The following DDRGK1 variants were observed in gnomAD, a reference collection of about 807,000 sequenced individuals.
DDRGK1 encodes the protein DDRGK domain containing 1.
Under a neutral mutation model 45.8 loss-of-function variants are expected in DDRGK1, and 38 were observed. That is an observed-to-expected ratio of 0.83 (90% confidence interval 0.64 to 1.09). The LOEUF is 1.09. Among genes scored for constraint, DDRGK1 ranks in the 50% least tolerant of loss-of-function variants. The pLI, the probability that DDRGK1 is intolerant of heterozygous loss-of-function variation, is 0.00. For synonymous variants in DDRGK1, 171 were observed against 168.7 expected (o/e 1.01, Z -0.11); for missense variants, 403 against 419.9 (o/e 0.96, Z 0.35).
rs761184532 is a variant in DDRGK1, at chr20:3,199,991, C to G, written c.510+10G>C. On this transcript the variant is annotated intron_variant, in intron 4 of 8. Coordinates refer to ENST00000354488, the MANE Select transcript of DDRGK1 (RefSeq NM_023935.3). ...CAAGGGTCAGAGGTCAGGGTAGGGG[C>G]TGGCCTCACCTTCTGCTCCTCCTCC... 1 of 1,604,092 alleles carries G rather than the reference C, an allele frequency of 6.2e-7. No individual in the cohort carries two copies. The highest frequency in any genetic ancestry group is 1.7e-5 in the Admixed American group (1 of 59,262).
At chr20:3,196,478 C>G (rs533795840) in intron 4 of DDRGK1, among the ~76,000 whole-genome samples, 2 of 150,840 alleles carry the variant, frequency 1.3e-5, no homozygotes, top group African/African-American at 4.9e-5. Flanking sequence ...GAGATCGAGA[C>G]CATCCTGGCT....
In DDRGK1 at chr20:3,200,384, C is replaced by A; in HGVS notation, c.366G>T (p.Leu122=). ...GCGCTTGTTTCTCCTCCAGCTTCCG[C>A]AGTTTCTTAGCTCCAATTTTCCCCG... The part of the protein sequence containing the change: ...HLSGKIGAKK[L]RKLEEKQARK... The change falls in exon 3 of 9, where the codon CTG becomes CTT. Residue 122 remains leucine, a synonymous_variant. Transcript: ENST00000354488. The A allele has an allele frequency of 1.3e-6, 2 of 1,580,554 alleles. No individual in the cohort carries two copies. Among genetic ancestry groups the A allele is most frequent in the African/African-American group, 1.3e-5 (1 of 74,364 alleles).
chr20:3,197,383 CG>C (rs2067015767), intron 4 of DDRGK1, among the ~76,000 whole-genome samples: 1 of 151,876 alleles, frequency 6.6e-6, no homozygotes, highest in Non-Finnish European at 1.5e-5. Flanking sequence ...CAAAGAAATA[CG>C]GGAAGAGGGG....
chr20:3,197,562 A>T (rs2067016909), intron 4 of DDRGK1, among the ~76,000 whole-genome samples: 11 of 152,196 alleles, frequency 7.2e-5, no homozygotes, highest in Admixed American at 7.2e-4. Context: ...CCATAACCCC[A>T]GTCTAACCAT....
At chr20:3,191,571 T>A (rs2122227795) in intron 7 of DDRGK1, 194 bp downstream of exon 7, 2 of 802,204 alleles carry the variant, frequency 2.5e-6, no homozygotes, top group East Asian at 2.7e-5. Flanking sequence ...TTTGGGTTTT[T>A]TTTTTCTTTC....
At chr20:3,204,398 C>G (rs1413554539) in intron 1 of DDRGK1, 139 bp downstream of exon 1, 2 of 836,850 alleles carry the variant, frequency 2.4e-6, no homozygotes, top group Non-Finnish European at 3.7e-6. Context: ...CCCCACCCGG[C>G]ACACGACTAG....
chr20:3,200,291 G>T (rs1240702018), intron 3 of DDRGK1, 51 bp downstream of exon 3: 1 of 1,532,208 alleles, frequency 6.5e-7, no homozygotes, highest in Admixed American at 2.0e-5. Flanking sequence ...GAAAAAGGAA[G>T]GCAGTGCCCT....
rs921637351 is a variant in DDRGK1 at position 3,200,289 on chromosome 20, A to C, written c.408+53T>G. On this transcript the variant is annotated intron_variant, in intron 3 of 8. Transcript: ENST00000354488. ...CCTCAGTCTGCCTTAGGGAAAAAGG[A>C]AGGCAGTGCCCTTTCGCACTTCCCA... 1.2e-4 allele frequency: 189 copies of C among 1,529,674 alleles called. 2 individuals are homozygous for C. The highest frequency in any genetic ancestry group is 1.5e-4 in the Non-Finnish European group (171 of 1,129,874). 94.8% of individuals were successfully genotyped at this position (1,529,674 alleles called of 1,614,324 possible).
chr20:3,190,889 C>G (rs1417149911), intron 8 of DDRGK1, 70 bp from the exon 9 acceptor site: 26 of 1,526,258 alleles, frequency 1.7e-5, no homozygotes, highest in Non-Finnish European at 1.9e-5. Context: ...GAATGCCCAC[C>G]TACTCCTTCA....
At chr20:3,201,854 G>C (rs549932191) in intron 2 of DDRGK1, among the ~76,000 whole-genome samples, 1 of 151,706 alleles carries the variant, frequency 6.6e-6, no homozygotes, top group Non-Finnish European at 1.5e-5. Context: ...AGTAGAGACC[G>C]GGTTTCACCA....
chr20:3,195,442 A>G, intron 4 of DDRGK1, 89 bp from the exon 5 acceptor site: 1 of 1,492,122 alleles, frequency 6.7e-7, no homozygotes, highest in Non-Finnish European at 8.9e-7. Flanking sequence ...AGGACACCAG[A>G]GCATATAGCC....
Position 3,191,872 on chromosome 20 carries a change from T to C in DDRGK1, c.673-51A>G, listed in dbSNP as rs1266879209. On this transcript the variant is annotated intron_variant, in intron 6 of 8. Coordinates refer to ENST00000354488, the MANE Select transcript of DDRGK1 (RefSeq NM_023935.3). Reference sequence around the variant, plus strand: ...GAGAGGCTGAGCTTGGGCAAATCCCTCTAAGCATGGGCACCCTCCAGGTTT... The same window carrying C: ...GAGAGGCTGAGCTTGGGCAAATCCCCCTAAGCATGGGCACCCTCCAGGTTT... The C allele has an allele frequency of 4.5e-6, 7 of 1,558,952 alleles. No individual in the cohort carries two copies. The Admixed American group carries it at 1.1e-4, about 25-fold the overall frequency.
chr20:3,203,000 C>T (rs558481287), intron 2 of DDRGK1, among the ~76,000 whole-genome samples: 1 of 152,184 alleles, frequency 6.6e-6, no homozygotes, highest in Admixed American at 6.5e-5. Flanking sequence ...CCCTTGCCCT[C>T]TGCTTGGACA....
At chr20:3,202,819 T>G (rs2067045745) in intron 2 of DDRGK1, among the ~76,000 whole-genome samples, 1 of 152,176 alleles carries the variant, frequency 6.6e-6, no homozygotes, top group African/African-American at 2.4e-5. Flanking sequence ...TGTCTCTATC[T>G]TTAAACTGTT....
intron 1 of DDRGK1, among the ~76,000 whole-genome samples, chr20:3,203,651 C>G (rs1434333565): frequency 2.0e-5 from 3 of 152,256 alleles, no homozygotes; most frequent in African/African-American, 4.8e-5. Flanking sequence ...CCCCTCCCGG[C>G]TCCACCTTTC....
chr20:3,191,672 G>T (rs1257265933), intron 7 of DDRGK1, 93 bp downstream of exon 7: 11 of 1,376,846 alleles, frequency 8.0e-6, no homozygotes, highest in Non-Finnish European at 1.1e-5. Context: ...AAGGTAGACG[G>T]TGCATCAAGA....
chr20:3,201,165 T>A (rs2067037395), intron 2 of DDRGK1, among the ~76,000 whole-genome samples: 1 of 150,526 alleles, frequency 6.6e-6, no homozygotes, highest in Non-Finnish European at 1.5e-5. Flanking sequence ...GTGCCTGTAG[T>A]CCCAGCTACT....
At chr20:3,197,052 G>A (rs561503793) in intron 4 of DDRGK1, among the ~76,000 whole-genome samples, 176 of 151,642 alleles carry the variant, frequency 1.2e-3, no homozygotes, top group African/African-American at 4.1e-3. Flanking sequence ...GTGAAACCTC[G>A]TCTCTACTAA....
chr20:3,199,976 A>G, intron 4 of DDRGK1, 25 bp downstream of exon 4: 3 of 1,582,770 alleles, frequency 1.9e-6, no homozygotes, highest in Non-Finnish European at 2.6e-6. Flanking sequence ...CAAGGGTCAG[A>G]GGTCAGGGTA....
Sources: allele counts gnomAD v4.1 joint callset (sites outside exome capture counted in the v4.1 genomes callset), GRCh38; gene constraint gnomAD v4.1.1; transcripts MANE v1.5; gene names NCBI Gene and HGNC (gene_info 2026-07-23, HGNC 2026-07-21).